The following PLOD2 variants were observed in gnomAD, a reference collection of about 807,000 sequenced individuals.
PLOD2 encodes procollagen-lysine,2-oxoglutarate 5-dioxygenase 2.
In PLOD2, 65 loss-of-function variants were observed where a neutral mutation model predicts 101.0. The ratio of observed to expected loss-of-function variants is 0.64; its 90% CI spans 0.53 to 0.79. PLOD2 has a LOEUF of 0.79. Ranked by LOEUF, PLOD2 falls within the 30% of genes least tolerant of loss-of-function variation. The probability of loss-of-function intolerance (pLI) is 0.00; values close to 1 mark genes in which losing one functional copy is unlikely to be tolerated. For missense variants in PLOD2, 909 were observed against 914.6 expected, an observed-to-expected ratio of 0.99 and a Z score of 0.08; for synonymous variants, 314 against 302.9, an observed-to-expected ratio of 1.04 and a Z score of -0.38.
chr3:146,140,099 A>G (rs2031448525), intron 1 of PLOD2, among the ~76,000 whole-genome samples: 1 of 152,260 alleles, frequency 6.6e-6, no homozygotes, highest in Non-Finnish European at 1.5e-5. Context: ...TCTCAGCAGT[A>G]TAAATCCATA....
chr3:146,112,105 C>T (rs1171854911), intron 3 of PLOD2, among the ~76,000 whole-genome samples: 1 of 152,122 alleles, frequency 6.6e-6, no homozygotes, highest in Non-Finnish European at 1.5e-5. Flanking sequence ...CCTCAAAGAT[C>T]TAGAATCAGA....
intron 16 of PLOD2, 120 bp from the exon 17 acceptor site, chr3:146,072,785 G>T: frequency 1.4e-6 from 1 of 700,006 alleles, no homozygotes; most frequent in Non-Finnish European, 2.5e-6. Context: ...ATAGTTTTCT[G>T]TCATGGTTTA....
At chr3:146,075,010 G>T (rs981227867) in intron 15 of PLOD2, among the ~76,000 whole-genome samples, 2 of 151,402 alleles carry the variant, frequency 1.3e-5, no homozygotes, top group Admixed American at 1.3e-4. Flanking sequence ...ATATAATTCA[G>T]GATATCTGAC....
At chr3:146,096,815 C>T (rs1223224781) in intron 7 of PLOD2, among the ~76,000 whole-genome samples, 14 of 143,616 alleles carry the variant, frequency 9.7e-5, no homozygotes, top group South Asian at 2.3e-4. Context: ...CTCCTCTGCC[C>T]GGCCGCCCCT....
chr3:146,102,331 A>G (rs1159885951), intron 7 of PLOD2, among the ~76,000 whole-genome samples: 1 of 152,220 alleles, frequency 6.6e-6, no homozygotes, highest in Non-Finnish European at 1.5e-5. Flanking sequence ...AGTTAATGAA[A>G]TAAGAGAAAG....
At chr3:146,101,426 T>C (rs1364733514) in intron 7 of PLOD2, among the ~76,000 whole-genome samples, 1 of 151,942 alleles carries the variant, frequency 6.6e-6, no homozygotes, top group Non-Finnish European at 1.5e-5. Context: ...AGAAAATAAA[T>C]AGACAAAGCA....
intron 17 of PLOD2, 89 bp downstream of exon 17, chr3:146,072,472 G>C: frequency 1.2e-6 from 1 of 847,412 alleles, no homozygotes; most frequent in Admixed American, 1.9e-5. Context: ...AGAGACATAT[G>C]AGAAAAAGTA....
At chr3:146,095,271 G>A (rs1420210248) in intron 7 of PLOD2, among the ~76,000 whole-genome samples, 1 of 150,662 alleles carries the variant, frequency 6.6e-6, no homozygotes, top group Admixed American at 6.6e-5. Flanking sequence ...CATCATCAGA[G>A]TGAACAGGCA....
intron 3 of PLOD2, among the ~76,000 whole-genome samples, chr3:146,120,653 A>C (rs1339692274): frequency 1.3e-5 from 2 of 152,232 alleles, no homozygotes; most frequent in Non-Finnish European, 2.9e-5. Flanking sequence ...TCTGCACAGC[A>C]AAAGAAACTA....
chr3:146,146,903 T>C (rs949478682), intron 1 of PLOD2, among the ~76,000 whole-genome samples: 2 of 152,312 alleles, frequency 1.3e-5, no homozygotes, highest in Non-Finnish European at 2.9e-5. Flanking sequence ...TTCGTTTGAA[T>C]AGAACCCTGA....
At chr3:146,088,086 GGTATGTA>G (rs1192189692) in intron 9 of PLOD2, among the ~76,000 whole-genome samples, 8 of 151,564 alleles carry the variant, frequency 5.3e-5, no homozygotes, top group Non-Finnish European at 1.2e-4. Flanking sequence ...ATATGTAGGA[GGTATGTA>G]GGGGGCTCTG....
intron 11 of PLOD2, among the ~76,000 whole-genome samples, chr3:146,082,608 T>A (rs1449064912): frequency 6.6e-6 from 1 of 151,800 alleles, no homozygotes; most frequent in Admixed American, 6.6e-5. Context: ...TAAACACACA[T>A]CGGGCCCGGC....
chr3:146,107,693 A>G (rs1439600961), intron 4 of PLOD2, among the ~76,000 whole-genome samples: 1 of 133,038 alleles, frequency 7.5e-6, no homozygotes, highest in Admixed American at 9.1e-5. Context: ...CTGGAGTGCA[A>G]AGGCACAATC....
Position 146,092,341 on chromosome 3 carries a change from T to C in PLOD2, c.778-440A>G, listed in dbSNP as rs543921294. ...CCTACAGTAAATGGGGCAGTAGTAATGTGACCTCTAACTAACACAACGCCA... is the reference window on the plus strand; with the variant it reads ...CCTACAGTAAATGGGGCAGTAGTAACGTGACCTCTAACTAACACAACGCCA... On this transcript the variant is annotated intron_variant, in intron 7 of 19. Transcript: ENST00000282903. Among the ~76,000 whole-genome samples the C allele has an allele frequency of 5.3e-5, 8 of 152,134 alleles. No individual in the cohort carries two copies. In the South Asian group the frequency reaches 1.7e-3, roughly 32 times the overall value.
intron 3 of PLOD2, among the ~76,000 whole-genome samples, chr3:146,120,070 G>C (rs1401485488): frequency 6.6e-6 from 1 of 151,738 alleles, no homozygotes; most frequent in East Asian, 1.9e-4. Flanking sequence ...CAGTGTAAAA[G>C]TGTTCCTATT....
intron 1 of PLOD2, among the ~76,000 whole-genome samples, chr3:146,130,659 C>T (rs2030856983): frequency 1.3e-5 from 2 of 152,260 alleles, no homozygotes; most frequent in Admixed American, 6.5e-5. Flanking sequence ...CTCAAATTCA[C>T]AGGTGGTTAA....
rs1409437238 is a variant in PLOD2 at position 146,079,348 on chromosome 3, TA to T, written c.1359-92del. The T allele has an allele frequency of 5.5e-6, 5 of 910,084 alleles. No homozygotes were observed. In the African/African-American group the frequency reaches 6.6e-5, roughly 12 times the overall value. 56.4% of individuals were successfully genotyped at this position (910,084 alleles called of 1,614,324 possible). ...CTTTTTAAAATAAATGCTTTGTGTT[TA>T]GATTTTGTATACATAAATTATTGAA... On this transcript the variant is annotated intron_variant, in intron 12 of 19. Coordinates refer to ENST00000282903, the MANE Select transcript of PLOD2 (RefSeq NM_182943.3).
At chr3:146,138,939 G>A (rs896626344) in intron 1 of PLOD2, among the ~76,000 whole-genome samples, 2 of 152,026 alleles carry the variant, frequency 1.3e-5, no homozygotes, top group African/African-American at 4.8e-5. Context: ...TATTTGAACC[G>A]AGAAAGACTA....
At chr3:146,121,000 C>T (rs999553216) in intron 3 of PLOD2, 112 bp downstream of exon 3, 12 of 835,792 alleles carry the variant, frequency 1.4e-5, no homozygotes, top group South Asian at 4.4e-5. Context: ...GGATTACAGG[C>T]GTGAGCCACC....
Sources: gnomAD v4.1 joint callset for allele counts (sites outside exome capture counted in the v4.1 genomes callset) on GRCh38, gnomAD v4.1.1 for gene constraint, MANE v1.5 for transcripts, NCBI Gene and HGNC (gene_info 2026-07-23, HGNC 2026-07-21) for gene names.